MCTP1: variants seen among roughly 807,000 people sequenced by gnomAD.
The protein encoded by MCTP1 is multiple C2 and transmembrane domain containing 1.
In MCTP1, 69 loss-of-function variants were observed where a neutral mutation model predicts 120.6. The observed-to-expected ratio is 0.57, with a 90% CI of 0.47 to 0.70. The LOEUF (loss-of-function observed/expected upper bound fraction) is 0.70. Among genes scored for constraint, MCTP1 ranks in the 30% least tolerant of loss-of-function variants. MCTP1 has a pLI of 0.00. For synonymous variants in MCTP1, 529 were observed against 493.1 expected (o/e 1.07, Z -0.96); for missense variants, 1,203 against 1,248.8 (o/e 0.96, Z 0.55).
chr5:95,004,253 C>G (rs1352902007), intron 2 of MCTP1, among the ~76,000 whole-genome samples: 4 of 152,164 alleles, frequency 2.6e-5, no homozygotes, highest in Non-Finnish European at 5.9e-5. Flanking sequence ...AGTGTACACT[C>G]ATATGCATGT....
chr5:95,099,024 G>A (rs995758018), intron 1 of MCTP1, among the ~76,000 whole-genome samples: 3 of 151,728 alleles, frequency 2.0e-5, no homozygotes, highest in African/African-American at 7.3e-5. Flanking sequence ...AATGGGGAAA[G>A]GATTCCCTAT....
At chr5:94,952,001 A>G (rs159024) in intron 3 of MCTP1, among the ~76,000 whole-genome samples, 113,004 of 151,516 alleles carry the variant, frequency 0.75, 42,353 homozygotes, top group African/African-American at 0.79. Context: ...GTGAAATGCC[A>G]TCTCTACTAA....
At chr5:95,115,423 A>T (rs1757750761) in intron 1 of MCTP1, among the ~76,000 whole-genome samples, 1 of 152,150 alleles carries the variant, frequency 6.6e-6, no homozygotes, top group African/African-American at 2.4e-5. Flanking sequence ...GATAAACTGA[A>T]CAAAGAGATT....
chr5:95,020,181 G>A (rs1837927957), intron 1 of MCTP1, among the ~76,000 whole-genome samples: 3 of 152,010 alleles, frequency 2.0e-5, no homozygotes, highest in Admixed American at 2.0e-4. Flanking sequence ...GGCTCAGACA[G>A]CTGTATATTC....
chr5:95,145,588 G>A (rs1029777393), intron 1 of MCTP1, among the ~76,000 whole-genome samples: 4 of 152,054 alleles, frequency 2.6e-5, no homozygotes, highest in African/African-American at 4.8e-5. Context: ...AAGCTGTTGA[G>A]GGTTTTGAAC....
intron 1 of MCTP1, among the ~76,000 whole-genome samples, chr5:95,229,765 A>G (rs1476841437): frequency 1.3e-5 from 2 of 152,006 alleles, no homozygotes; most frequent in Non-Finnish European, 2.9e-5. Flanking sequence ...GATTGGTTAC[A>G]CAGTAAGAGG....
chr5:94,982,884 CAAAAAAAAAAAAAAA>C (rs34561115), intron 2 of MCTP1, among the ~76,000 whole-genome samples: 1 of 28,596 alleles, frequency 3.5e-5, no homozygotes, highest in Non-Finnish European at 8.3e-5. Context: ...CACACTTCAT[CAAAAAAAAAAAAAAA>C]AAAAAAAAAA....
chr5:95,268,499 T>C (rs975231025), intron 1 of MCTP1, among the ~76,000 whole-genome samples: 1 of 152,154 alleles, frequency 6.6e-6, no homozygotes, highest in Non-Finnish European at 1.5e-5. Context: ...GATAAAGTTA[T>C]AGGAAATAGA....
chr5:94,970,660 A>T (rs1278093879), intron 2 of MCTP1, among the ~76,000 whole-genome samples: 2 of 151,740 alleles, frequency 1.3e-5, no homozygotes, highest in African/African-American at 2.4e-5. Context: ...AGTACTATTA[A>T]TTTTTTTTAC....
intron 1 of MCTP1, among the ~76,000 whole-genome samples, chr5:95,046,984 G>C (rs1744702489): frequency 6.6e-6 from 1 of 152,136 alleles, no homozygotes; most frequent in African/African-American, 2.4e-5. Flanking sequence ...TAAGCTCTTT[G>C]AAAGCAATGA....
At chr5:94,849,822 A>T (rs1215165679) in intron 17 of MCTP1, among the ~76,000 whole-genome samples, 1 of 152,140 alleles carries the variant, frequency 6.6e-6, no homozygotes, top group Non-Finnish European at 1.5e-5. Context: ...CAATAATTCC[A>T]AAAAACTGCT....
At chr5:94,775,946 T>C (rs2152923453) in intron 19 of MCTP1, among the ~76,000 whole-genome samples, 2 of 145,858 alleles carry the variant, frequency 1.4e-5, no homozygotes, top group African/African-American at 5.0e-5. Flanking sequence ...TTAATATATA[T>C]TATAGAAATA....
intron 2 of MCTP1, among the ~76,000 whole-genome samples, chr5:94,993,926 G>A (rs929442340): frequency 1.3e-5 from 2 of 152,120 alleles, no homozygotes. Context: ...TTGACTAAAC[G>A]GTTTTTTCCC....
chr5:94,874,910 TTAGG>T (rs2153333948), intron 12 of MCTP1, among the ~76,000 whole-genome samples: 1 of 152,252 alleles, frequency 6.6e-6, no homozygotes, highest in Admixed American at 6.5e-5. Flanking sequence ...GTGCCACATC[TTAGG>T]TAGGTAGTAG....
At chr5:95,249,612 A>C (rs1372556609) in intron 1 of MCTP1, among the ~76,000 whole-genome samples, 1 of 152,170 alleles carries the variant, frequency 6.6e-6, no homozygotes, top group East Asian at 1.9e-4. Context: ...TTCCTCAAGG[A>C]TCTAGAACTG....
chr5:94,817,330 C>A (rs1209535616), intron 17 of MCTP1, among the ~76,000 whole-genome samples: 3 of 152,140 alleles, frequency 2.0e-5, no homozygotes, highest in Admixed American at 6.6e-5. Context: ...ATCGCTTGAA[C>A]CCATGAGGCG....
chr5:94,742,043 G>GTA (rs996320083), intron 19 of MCTP1, among the ~76,000 whole-genome samples: 1 of 152,094 alleles, frequency 6.6e-6, no homozygotes, highest in Non-Finnish European at 1.5e-5. Context: ...GAACGACACT[G>GTA]TATAAGCCAT....
chr5:95,241,055 C>G (rs1383217518), intron 1 of MCTP1, among the ~76,000 whole-genome samples: 3 of 151,876 alleles, frequency 2.0e-5, no homozygotes, highest in Non-Finnish European at 4.4e-5. Flanking sequence ...TTGGGGGGTA[C>G]TTTGTTTTAA....
intron 17 of MCTP1, chr5:94,867,451 A>C (rs1797041170): frequency 1.1e-6 from 1 of 922,048 alleles, no homozygotes; most frequent in African/African-American, 1.6e-5. Context: ...TAATACTAAA[A>C]TGTTGATTTG....
Sources: allele counts gnomAD v4.1 joint callset (sites outside exome capture counted in the v4.1 genomes callset), GRCh38; gene constraint gnomAD v4.1.1; transcripts MANE v1.5; gene names NCBI Gene and HGNC (gene_info 2026-07-23, HGNC 2026-07-21).